The following SEC14L6 variants were observed in gnomAD, a reference collection of about 807,000 sequenced individuals.
SEC14L6 encodes the protein SEC14 like lipid binding 6.
A neutral mutation model predicts 54.1 loss-of-function variants in SEC14L6; 40 were observed. That is an observed-to-expected ratio of 0.74 (90% confidence interval 0.57 to 0.96). The LOEUF (loss-of-function observed/expected upper bound fraction) is 0.96, where lower values mean the gene tolerates loss of function less well. Among genes scored for constraint, SEC14L6 ranks in the 40% least tolerant of loss-of-function variants. The probability of loss-of-function intolerance (pLI) is 0.00; values close to 1 mark genes in which losing one functional copy is unlikely to be tolerated. For synonymous variants in SEC14L6, 171 were observed against 198.4 expected (o/e 0.86, Z 1.16); for missense variants, 471 against 498.3 (o/e 0.95, Z 0.52).
chr22:30,529,852 G>A (rs5753184), intron 6 of SEC14L6, among the ~76,000 whole-genome samples: 1 of 152,180 alleles, frequency 6.6e-6, no homozygotes, highest in Admixed American at 6.5e-5. Flanking sequence ...TCAGACAATA[G>A]TTCAGCTTCA....
intron 1 of SEC14L6, among the ~76,000 whole-genome samples, chr22:30,545,094 T>C (rs1378015391): frequency 6.6e-6 from 1 of 152,044 alleles, no homozygotes; most frequent in East Asian, 1.9e-4. Context: ...TCCATGCTCA[T>C]GGAACCGTGT....
At position 30,524,947 on chromosome 22, in the gene SEC14L6, A is replaced by C. The variant is rs1355325852; in HGVS notation, c.*50T>G. 4.2e-6 allele frequency: 4 copies of C among 952,888 alleles called. No individual in the cohort carries two copies. The highest frequency in any genetic ancestry group is 5.0e-6 in the Non-Finnish European group (3 of 601,508). 59.0% of individuals were successfully genotyped at this position (952,888 alleles called of 1,614,324 possible). A position where few individuals can be genotyped will look rare whatever the true frequency, so the allele number is the denominator to read the frequency against. ...TCTGGCCAGGGAAGGCTGTGAACTC[A>C]TTGTGGATTCAGAGATCAAAGAGGA... is the stretch of plus-strand genomic sequence containing the variant. On this transcript the variant is annotated 3_prime_UTR_variant, in exon 12 of 12. Coordinates refer to ENST00000402034, the MANE Select transcript of SEC14L6 (RefSeq NM_001193336.4).
chr22:30,535,899 T>G lies in SEC14L6; in HGVS notation c.131-1860A>C, dbSNP rs921857075. 3.2e-3 allele frequency among the ~76,000 whole-genome samples: 474 copies of G among 150,304 alleles called. 10 individuals carry two copies. The highest frequency in any genetic ancestry group is 0.011 in the African/African-American group (449 of 40,984). On this transcript the variant is annotated intron_variant, in intron 2 of 11. Transcript: ENST00000402034. ...CTAAGTTTTTTGTGTTTTTTTTTTTTTTTTTTTTTTGTAGAGATGGGGTTT... is the reference window on the plus strand; with the variant it reads ...CTAAGTTTTTTGTGTTTTTTTTTTTGTTTTTTTTTTGTAGAGATGGGGTTT...
chr22:30,524,829 C>G lies in SEC14L6; in HGVS notation c.*168G>C. 3.4e-6 allele frequency: 2 copies of G among 590,440 alleles called. No individual in the cohort carries two copies. Among genetic ancestry groups the G allele is most frequent in the Non-Finnish European group, 6.2e-6 (2 of 324,830 alleles). 36.6% of individuals were successfully genotyped at this position (590,440 alleles called of 1,614,324 possible). On this transcript the variant is annotated 3_prime_UTR_variant, in exon 12 of 12. Coordinates refer to ENST00000402034, the MANE Select transcript of SEC14L6 (RefSeq NM_001193336.4). ...TGACCATCGGGCCACCACTAGGACA[C>G]TGTCCCAGCCGTTCCTGAGGAGTGG...
At position 30,525,484 on chromosome 22, in the gene SEC14L6, A is replaced by T. The variant is rs765995692; in HGVS notation, c.947T>A (p.Phe316Tyr). ...CATCTTGGTCTTCAGGAAAACCCCA[A>T]AGCCAATGTCCCCACCATCTGAAGC... ...QFASDGGDIG[F>Y]GVFLKTKMGE... The change falls in exon 11 of 12, where the codon TTT becomes TAT. Residue 316 changes from phenylalanine to tyrosine, a missense_variant. By Grantham distance (22) the Phe-to-Tyr change is conservative. Coordinates refer to ENST00000402034, the MANE Select transcript of SEC14L6 (RefSeq NM_001193336.4). The T allele has an allele frequency of 6.2e-7, 1 of 1,614,024 alleles. No homozygotes were observed. Among genetic ancestry groups the T allele is most frequent in the South Asian group, 1.1e-5 (1 of 91,062 alleles).
intron 2 of SEC14L6, among the ~76,000 whole-genome samples, chr22:30,536,083 A>G (rs2085594792): frequency 6.6e-6 from 1 of 151,918 alleles, no homozygotes; most frequent in South Asian, 2.1e-4. Flanking sequence ...GCTGGTCTCA[A>G]ATTCCTGGAC....
intron 8 of SEC14L6, among the ~76,000 whole-genome samples, chr22:30,526,833 C>T (rs888329128): frequency 3.9e-5 from 6 of 152,164 alleles, no homozygotes; most frequent in African/African-American, 7.2e-5. Context: ...TGGTGGCTCA[C>T]GCCTGTAATT....
chr22:30,539,019 G>T, intron 1 of SEC14L6, 117 bp from the exon 2 acceptor site: 1 of 686,510 alleles, frequency 1.5e-6, no homozygotes, highest in Non-Finnish European at 2.5e-6. Context: ...GGGCTGGGAG[G>T]ATCAGGGTCC....
chr22:30,540,817 G>A (rs1257239225), intron 1 of SEC14L6, among the ~76,000 whole-genome samples: 3 of 151,796 alleles, frequency 2.0e-5, no homozygotes. Context: ...CCAGGAGTTC[G>A]AGATCAGCCT....
chr22:30,525,821 T>C lies in SEC14L6; in HGVS notation c.771+5A>G. On this transcript the variant is annotated splice_donor_5th_base_variant and intron_variant, in intron 9 of 11. Coordinates refer to ENST00000402034, the MANE Select transcript of SEC14L6 (RefSeq NM_001193336.4). The stretch of plus-strand genomic sequence containing the variant: ...CTCCTTCCCCATCCTCTGGGCACCC[T>C]GTACCTTGGTCAGGCACTTGGGGTT... The C allele has an allele frequency of 1.9e-6, 3 of 1,613,620 alleles. No individual in the cohort carries two copies. The highest frequency in any genetic ancestry group is 2.5e-6 in the Non-Finnish European group (3 of 1,179,698).
rs181745236 is a variant in SEC14L6 at position 30,534,499 on chromosome 22, C to T, written c.131-460G>A. Among the ~76,000 whole-genome samples, 365 of 151,908 alleles carry T rather than the reference C, an allele frequency of 2.4e-3. 1 individual carries two copies. The highest frequency in any genetic ancestry group is 8.1e-3 in the African/African-American group (336 of 41,454). On this transcript the variant is annotated intron_variant, in intron 2 of 11. Transcript: ENST00000402034. Reference sequence around the variant, plus strand: ...TGATCTTGGCTCACTGCAACCTCTGCCTCCCGGGTTCAAGTGATTCTCCTG... The same window carrying T: ...TGATCTTGGCTCACTGCAACCTCTGTCTCCCGGGTTCAAGTGATTCTCCTG...
At chr22:30,537,327 T>G (rs538297349) in intron 2 of SEC14L6, among the ~76,000 whole-genome samples, 5 of 151,938 alleles carry the variant, frequency 3.3e-5, no homozygotes, top group Admixed American at 6.6e-5. Context: ...TCAAGAGAGA[T>G]AGCCTAGCCA....
chr22:30,539,323 G>T (rs2085656071), intron 1 of SEC14L6, among the ~76,000 whole-genome samples: 1 of 151,976 alleles, frequency 6.6e-6, no homozygotes, highest in Non-Finnish European at 1.5e-5. Context: ...GTTGCAGTGA[G>T]CCGAGATCCC....
chr22:30,528,119 C>CTTTT (rs1201756831), intron 8 of SEC14L6, among the ~76,000 whole-genome samples: 1,340 of 117,620 alleles, frequency 0.011, 16 homozygotes, highest in Middle Eastern at 0.019. Context: ...ACCTAGATTT[C>CTTTT]TTTTTTTTTT....
chr22:30,533,928 T>A, intron 3 of SEC14L6, 68 bp downstream of exon 3: 1 of 1,378,408 alleles, frequency 7.3e-7, no homozygotes, highest in Non-Finnish European at 1.0e-6. Flanking sequence ...AATGAATGAA[T>A]AAATTTGTGC....
intron 1 of SEC14L6, chr22:30,542,520 C>A: frequency 1.1e-6 from 1 of 922,980 alleles, no homozygotes; most frequent in South Asian, 2.0e-5. Flanking sequence ...CTGGGCAGCC[C>A]CGGCGGCGCT....
intron 1 of SEC14L6, among the ~76,000 whole-genome samples, chr22:30,544,758 A>G (rs1228817169): frequency 6.6e-6 from 1 of 152,024 alleles, no homozygotes; most frequent in African/African-American, 2.4e-5. Flanking sequence ...CTCCACCCGG[A>G]CGCATCTCTC....
At chr22:30,532,091 G>C (rs751613976) in intron 5 of SEC14L6, 93 bp from the exon 6 acceptor site, 7 of 1,487,480 alleles carry the variant, frequency 4.7e-6, no homozygotes, top group Non-Finnish European at 5.4e-6. Context: ...GCACTGGCCT[G>C]GCTTGTCTCA....
rs1340305136 is a variant in SEC14L6 at position 30,532,506 on chromosome 22, C to G, written c.423+19G>C. ...GGTGCTGTGTCCGGCTGCAGCTGCC[C>G]AGGGTGGCACCCACACACCTTCTGA... On this transcript the variant is annotated intron_variant, in intron 5 of 11. Transcript: ENST00000402034. 12 of 1,537,812 alleles carry G rather than the reference C, an allele frequency of 7.8e-6. No homozygotes were observed. The highest frequency in any genetic ancestry group is 9.7e-6 in the Non-Finnish European group (11 of 1,139,490).
Sources: gnomAD v4.1 joint callset for allele counts (sites outside exome capture counted in the v4.1 genomes callset) on GRCh38, gnomAD v4.1.1 for gene constraint, MANE v1.5 for transcripts, NCBI Gene and HGNC (gene_info 2026-07-23, HGNC 2026-07-21) for gene names.